The following ZMYND19 variants were observed in gnomAD, a reference collection of about 807,000 sequenced individuals.
The protein encoded by ZMYND19 is zinc finger MYND domain-containing protein 19.
ZMYND19 carries 17 observed loss-of-function variants against 32.0 expected under a neutral mutation model. The observed-to-expected ratio is 0.53, with a 90% CI of 0.36 to 0.80. The LOEUF (loss-of-function observed/expected upper bound fraction) is 0.80, where lower values mean the gene tolerates loss of function less well. ZMYND19 is among the 30% of genes least tolerant of loss of function. The pLI, the probability that ZMYND19 is intolerant of heterozygous loss-of-function variation, is 0.00. For synonymous variants in ZMYND19, 124 were observed against 113.6 expected, an observed-to-expected ratio of 1.09 and a Z score of -0.58; for missense variants, 250 against 293.6, an observed-to-expected ratio of 0.85 and a Z score of 1.09.
In ZMYND19 at chr9:137,587,090, C is replaced by T; in HGVS notation, c.236G>A (p.Gly79Asp). 1 of 1,606,230 alleles carries T rather than the reference C, an allele frequency of 6.2e-7. No individual in the cohort carries two copies. The highest frequency in any genetic ancestry group is 8.5e-7 in the Non-Finnish European group (1 of 1,179,872). ...HELLWERHRGGVAPGFQVVHL... is the reference protein window; with the variant it reads ...HELLWERHRGDVAPGFQVVHL... ...CACCACCTGGAAGCCCGGGGCCACG[C>T]CCCCCCGGTGCCGCTCCCTAGAAAC... The change falls in exon 4 of 6, where the codon GGC becomes GAC. Residue 79 changes from glycine (G) to aspartate (D), a missense_variant. Gly to Asp is a moderately conservative substitution (Grantham distance 94, BLOSUM62 -1). This residue lies in a region of ZMYND19 where 212 missense variants were observed against 218.8 expected (regional missense o/e 0.97). Transcript: ENST00000298585.
intron 1 of ZMYND19, chr9:137,589,429 C>T: frequency 1.0e-6 from 1 of 985,446 alleles, no homozygotes; most frequent in African/African-American, 1.7e-5. Flanking sequence ...ACTGCCTCGG[C>T]TCCTCTCTCC....
At chr9:137,589,196 G>T in intron 1 of ZMYND19, 2 of 289,854 alleles carry the variant, frequency 6.9e-6, no homozygotes, top group Non-Finnish European at 5.2e-6. Flanking sequence ...AAGCTGTAAG[G>T]GATGACAATG....
chr9:137,582,865 A>C, intron 5 of ZMYND19, 118 bp downstream of exon 5: 1 of 1,515,974 alleles, frequency 6.6e-7, no homozygotes, highest in Non-Finnish European at 8.9e-7. Context: ...GGAAAAGCCC[A>C]AGAGGTGCTA....
intron 1 of ZMYND19, chr9:137,589,754 G>T: frequency 1.0e-6 from 1 of 985,494 alleles, no homozygotes; most frequent in South Asian, 4.7e-5. Context: ...GCACAGAAGA[G>T]CCCACACCAG....
intron 5 of ZMYND19, 141 bp downstream of exon 5, chr9:137,582,842 A>G (rs1842162638): frequency 6.7e-7 from 1 of 1,503,414 alleles, no homozygotes; most frequent in South Asian, 1.3e-5. Flanking sequence ...GGGCAAAGGG[A>G]GACCACTCTG....
At chr9:137,586,912 T>C (rs1348807998) in intron 4 of ZMYND19, 55 bp downstream of exon 4, 1 of 1,605,012 alleles carries the variant, frequency 6.2e-7, no homozygotes, top group Non-Finnish European at 8.5e-7. Context: ...GCTTTGGCGG[T>C]GGCCCTCCTC....
At position 137,582,839 on chromosome 9, in the gene ZMYND19, G is replaced by A. The variant is rs536430384; in HGVS notation, c.540+144C>T. The A allele has an allele frequency of 1.9e-5, 28 of 1,504,512 alleles. No individual in the cohort carries two copies. The African/African-American group carries it at 2.8e-4, about 15-fold the overall frequency. 93.2% of individuals were successfully genotyped at this position (1,504,512 alleles called of 1,614,324 possible). On this transcript the variant is annotated intron_variant, in intron 5 of 5. Coordinates refer to ENST00000298585, the MANE Select transcript of ZMYND19 (RefSeq NM_138462.3). ...CTGGTCAGGCCAGCACAAGGGCAAA[G>A]GGAGACCACTCTGGTGGAAAAGCCC...
In ZMYND19 at chr9:137,590,238, A is replaced by G; in HGVS notation, c.26T>C (p.Val9Ala). The G allele has an allele frequency of 1.7e-6, 2 of 1,151,612 alleles. No individual in the cohort carries two copies. The highest frequency in any genetic ancestry group is 2.2e-6 in the Non-Finnish European group (2 of 920,578). 71.3% of individuals were successfully genotyped at this position (1,151,612 alleles called of 1,614,324 possible). The change falls in exon 1 of 6, where the codon GTG becomes GCG. Residue 9 changes from valine (V) to alanine (A), a missense_variant. Physicochemically the swap from Val to Ala is moderately conservative, Grantham distance 64 (BLOSUM62 0). Around this residue, in one of 2 missense-constraint regions of ZMYND19, gnomAD observed 212 missense variants for 218.8 expected, o/e 0.97. Transcript: ENST00000298585. The surrounding 1 kb of genome is among the most constrained non-coding windows in gnomAD (Gnocchi z 4.2). MTDFKLGI[V>A]RLGRVAGKTK... Reference sequence around the variant, plus strand: ...CTTCCCGGCCACCCGGCCGAGCCGCACGATACCCAATTTGAAGTCGGTCAT... The same window carrying G: ...CTTCCCGGCCACCCGGCCGAGCCGCGCGATACCCAATTTGAAGTCGGTCAT...
chr9:137,582,657 G>GCAGC lies in ZMYND19; in HGVS notation c.566_569dup (p.Cys190TrpfsTer34). 6.2e-7 allele frequency: 1 copy of GCAGC among 1,613,206 alleles called. No homozygotes were observed. Among genetic ancestry groups the GCAGC allele is most frequent in the Non-Finnish European group, 8.5e-7 (1 of 1,180,000 alleles). ...GGGAGCCGCAGTACCGGGCCACCTG[G>GCAGC]CAGCGCCCACAGATGTTGAACTCCC... On this transcript the variant is annotated frameshift_variant, in exon 6 of 6. Transcript: ENST00000298585. LOFTEE classifies it high-confidence loss of function.
chr9:137,586,971 G>C lies in ZMYND19; in HGVS notation c.355C>G (p.Gln119Glu), dbSNP rs752827498. 6.2e-7 allele frequency: 1 copy of C among 1,612,082 alleles called. No homozygotes were observed. Among genetic ancestry groups the C allele is most frequent in the Non-Finnish European group, 8.5e-7 (1 of 1,179,988 alleles). ...RPKAEETSSK[Q>E]REQSLYWLAI... ...CCAGGCCCTGAGAAGACCCACCTCT[G>C]CTTGCTGGAGGTCTCTTCAGCCTTG... The change falls in exon 4 of 6, where the codon CAG (glutamine) becomes GAG (glutamate). Residue 119 changes from glutamine (Q) to glutamate (E), a missense_variant. By Grantham distance (29) the Gln-to-Glu change is conservative. Transcript: ENST00000298585.
intron 1 of ZMYND19, chr9:137,589,227 AG>A: frequency 2.0e-6 from 1 of 495,492 alleles, no homozygotes; most frequent in South Asian, 8.6e-5. Flanking sequence ...TGGAGTTAGA[AG>A]GGGTCTCTGG....
Position 137,587,661 on chromosome 9 carries a change from C to G in ZMYND19, c.218+56G>C, listed in dbSNP as rs1842220827. ...GGGGGCTCCAGGCGCCCTGTGCCAT[C>G]GGAGCTCACCCAGGAGCCCAGTGGC... is the stretch of plus-strand genomic sequence containing the variant. On this transcript the variant is annotated intron_variant, in intron 3 of 5. Transcript: ENST00000298585. 4.6e-6 allele frequency: 7 copies of G among 1,528,254 alleles called. 1 individual carries two copies. Among genetic ancestry groups the G allele is most frequent in the Non-Finnish European group, 6.3e-6 (7 of 1,103,030 alleles). 94.7% of individuals were successfully genotyped at this position (1,528,254 alleles called of 1,614,324 possible).
chr9:137,590,145 C>CGCCCCCGGCCCCGGCCCCCG lies in ZMYND19; in HGVS notation c.51+67_51+68insCGGGGGCCGGGGCCGGGGGC, dbSNP rs564579895. The CGCCCCCGGCCCCGGCCCCCG allele has an allele frequency of 7.1e-6, 7 of 986,392 alleles. No homozygotes were observed. The African/African-American group carries it at 7.1e-5, about 10-fold the overall frequency. The allele number at this position is 986,392 out of a possible 1,614,324, so 61.1% of individuals were successfully genotyped here. ...CCGCCCCGGCCGCCGCCCGCACAAC[C>CGCCCCCGGCCCCGGCCCCCG]GCCCCCGGCCCCGCGCGGAGGCCTG... On this transcript the variant is annotated intron_variant, in intron 1 of 5. Coordinates refer to ENST00000298585, the MANE Select transcript of ZMYND19 (RefSeq NM_138462.3). The surrounding 1 kb of genome is among the most constrained non-coding windows in gnomAD (Gnocchi z 4.2).
intron 2 of ZMYND19, among the ~76,000 whole-genome samples, 193 bp downstream of exon 2, chr9:137,588,466 G>C (rs1031923056): frequency 1.3e-5 from 2 of 152,208 alleles, no homozygotes; most frequent in African/African-American, 4.8e-5. Flanking sequence ...GTGGGCTCCA[G>C]TGGCAGCAAC....
intron 3 of ZMYND19, 120 bp downstream of exon 3, chr9:137,587,597 C>T (rs563810619): frequency 9.3e-5 from 77 of 831,716 alleles, no homozygotes; most frequent in Non-Finnish European, 1.5e-4. Context: ...AAAATAACTG[C>T]GAGATTCAGG....
rs576063786 is a variant in ZMYND19, at chr9:137,582,438, C to G, written c.*105G>C. On this transcript the variant is annotated 3_prime_UTR_variant, in exon 6 of 6. Transcript: ENST00000298585. ...GGAGTCTCACGGCAGCTGTCCTGGG[C>G]CCGCAGCTGGCTTTTTTGGCACCTC... 12 of 1,488,746 alleles carry G rather than the reference C, an allele frequency of 8.1e-6. No individual in the cohort carries two copies. The Admixed American group carries it at 2.2e-4, about 27-fold the overall frequency. The allele number at this position is 1,488,746 out of a possible 1,614,324, so 92.2% of individuals were successfully genotyped here.
At chr9:137,586,500 G>A (rs919574674) in intron 4 of ZMYND19, among the ~76,000 whole-genome samples, 5 of 148,954 alleles carry the variant, frequency 3.4e-5, no homozygotes, top group Non-Finnish European at 5.9e-5. Context: ...AAGGAATCCC[G>A]AGGTGAGAGA....
rs2133303263 is a variant in ZMYND19, at chr9:137,588,606, C to T, written c.111+53G>A. The T allele has an allele frequency of 1.1e-5, 18 of 1,601,872 alleles. No homozygotes were observed. In the South Asian group the frequency reaches 2.0e-4, roughly 18 times the overall value. ...GGGAGAGAGCTCGTTCCTCGTGACC[C>T]TCCTGGGCACTGACCACGAGCATCA... On this transcript the variant is annotated intron_variant, in intron 2 of 5. Coordinates refer to ENST00000298585, the MANE Select transcript of ZMYND19 (RefSeq NM_138462.3).
chr9:137,582,757 C>T (rs940253186), intron 5 of ZMYND19, 71 bp from the exon 6 acceptor site: 64 of 1,571,562 alleles, frequency 4.1e-5, no homozygotes, highest in Non-Finnish European at 5.1e-5. Context: ...CTGCGTCTTA[C>T]GGACAATCTG....
Sources: allele counts gnomAD v4.1 joint callset (sites outside exome capture counted in the v4.1 genomes callset), GRCh38; gene constraint gnomAD v4.1.1; regional missense constraint gnomAD v4.1.1; non-coding constraint Gnocchi (gnomAD v3.1); transcripts MANE v1.5; gene names NCBI Gene and HGNC (gene_info 2026-07-23, HGNC 2026-07-21).